The following POU2F3 variants were observed in gnomAD, a reference collection of about 807,000 sequenced individuals.
POU2F3 encodes the protein POU class 2 homeobox 3.
In POU2F3, 23 loss-of-function variants were observed where a neutral mutation model predicts 59.2. That is an observed-to-expected ratio of 0.39 (90% confidence interval 0.28 to 0.55). The LOEUF is 0.55. Ranked by LOEUF, POU2F3 falls within the 20% of genes least tolerant of loss-of-function variation. POU2F3 has a pLI of 0.66. For missense variants in POU2F3, 473 were observed against 544.5 expected, an observed-to-expected ratio of 0.87 and a Z score of 1.31; for synonymous variants, 190 against 214.6, an observed-to-expected ratio of 0.89 and a Z score of 1.00.
At chr11:120,276,103 C>A (rs916910414) in intron 3 of POU2F3, among the ~76,000 whole-genome samples, 1 of 152,254 alleles carries the variant, frequency 6.6e-6, no homozygotes, top group South Asian at 2.1e-4. Context: ...GAGTTGGCAA[C>A]GGAGGGTCCG....
At chr11:120,239,969 AG>A (rs1393881106), upstream of POU2F3, among the ~76,000 whole-genome samples, 1 of 152,314 alleles carries the variant, frequency 6.6e-6, no homozygotes, top group East Asian at 1.9e-4. Flanking sequence ...TGGAGCAGGC[AG>A]GTGTTCCGCG....
intron 3 of POU2F3, among the ~76,000 whole-genome samples, chr11:120,292,094 C>T (rs959956869): frequency 1.3e-5 from 2 of 152,170 alleles, no homozygotes; most frequent in African/African-American, 4.8e-5. Context: ...ATGTGTGAGC[C>T]ACTGTGCCCA....
chr11:120,236,668 G>A (rs770904381), upstream of POU2F3: 398 of 1,501,960 alleles, frequency 2.6e-4, no homozygotes, highest in Non-Finnish European at 3.3e-4. Context: ...TCAAAAAACC[G>A]GTTTCATGGA....
In POU2F3 at chr11:120,286,193, T is replaced by C. The variant is rs74236012; in HGVS notation, c.133-12072T>C. Among the ~76,000 whole-genome samples, 5,096 of 152,248 alleles carry C rather than the reference T, an allele frequency of 0.033. 1,276 individuals carry two copies. The East Asian group carries it at 0.66, about 20-fold the overall frequency. On this transcript the variant is annotated intron_variant, in intron 3 of 12. Coordinates refer to ENST00000543440, the MANE Select transcript of POU2F3 (RefSeq NM_014352.4). ...AGCCACTGCACCTGGCTTGTTCTAT[T>C]GTTTTAACATAATCTTACTTTTCCA...
At chr11:120,270,083 G>A (rs1427234435) in intron 3 of POU2F3, among the ~76,000 whole-genome samples, 1 of 152,156 alleles carries the variant, frequency 6.6e-6, no homozygotes, top group Non-Finnish European at 1.5e-5. Context: ...AACTTAGAAA[G>A]CCTGGGTTTT....
intron 2 of POU2F3, among the ~76,000 whole-genome samples, chr11:120,257,409 G>A (rs1293122556): frequency 1.3e-5 from 2 of 151,858 alleles, no homozygotes; most frequent in East Asian, 3.9e-4. Context: ...GAAGTGGCCC[G>A]GCACCACGTG....
At chr11:120,256,587 A>C (rs941653147) in intron 2 of POU2F3, 4 of 152,230 alleles carry the variant, frequency 2.6e-5, no homozygotes, top group Non-Finnish European at 5.9e-5. Context: ...GTCACCCCAC[A>C]AGAAGCCCAC....
chr11:120,298,218 C>T (rs375428940), intron 3 of POU2F3, 47 bp from the exon 4 acceptor site: 138 of 1,570,068 alleles, frequency 8.8e-5, no homozygotes, highest in Non-Finnish European at 1.1e-4. Flanking sequence ...TCTCTGACTG[C>T]CTGACGGGAT....
intron 2 of POU2F3, among the ~76,000 whole-genome samples, chr11:120,263,523 T>A (rs1939693654): frequency 6.6e-6 from 1 of 152,268 alleles, no homozygotes; most frequent in East Asian, 1.9e-4. Flanking sequence ...TTGATCCGCA[T>A]CTATCTTCTT....
At chr11:120,305,562 G>C in intron 7 of POU2F3, 82 bp from the exon 8 acceptor site, 1 of 1,543,012 alleles carries the variant, frequency 6.5e-7, no homozygotes, top group Non-Finnish European at 8.8e-7. Flanking sequence ...CTGTGTGATC[G>C]ATGCTAGGAC....
intron 9 of POU2F3, 56 bp from the exon 10 acceptor site, chr11:120,309,369 T>C: frequency 1.3e-6 from 2 of 1,515,558 alleles, no homozygotes; most frequent in Non-Finnish European, 1.8e-6. Context: ...GGGACCTCTG[T>C]TCCCTGCCCC....
At chr11:120,237,443 A>G (rs1226005997), upstream of POU2F3, among the ~76,000 whole-genome samples, 2 of 151,876 alleles carry the variant, frequency 1.3e-5, no homozygotes, top group African/African-American at 2.4e-5. Context: ...TTCCACCCCA[A>G]TCCCCACAAG....
intron 3 of POU2F3, among the ~76,000 whole-genome samples, chr11:120,290,820 A>G (rs1374705179): frequency 1.3e-5 from 2 of 152,190 alleles, no homozygotes; most frequent in South Asian, 2.1e-4. Flanking sequence ...GTGTGTGTGT[A>G]TGGGCACGCG....
chr11:120,308,938 CAAAAAAAAAAAAAAAAAAAAAAAA>C (rs386375076), intron 9 of POU2F3, among the ~76,000 whole-genome samples: 15 of 28,774 alleles, frequency 5.2e-4, no homozygotes, highest in South Asian at 2.8e-3. Flanking sequence ...GACTCCGTCT[CAAAAAAAAAAAAAAAAAAAAAAAA>C]AAAAAAAAAA....
intron 1 of POU2F3, among the ~76,000 whole-genome samples, 161 bp from the exon 2 acceptor site, chr11:120,246,288 C>A (rs528819346): frequency 5.4e-4 from 82 of 152,190 alleles, no homozygotes; most frequent in Non-Finnish European, 1.0e-3. Flanking sequence ...TGCCCTCAAG[C>A]TTATGAATAT....
intron 3 of POU2F3, among the ~76,000 whole-genome samples, chr11:120,289,608 C>A (rs1381319056): frequency 6.6e-6 from 1 of 152,178 alleles, no homozygotes; most frequent in Non-Finnish European, 1.5e-5. Context: ...AGATCCTGAA[C>A]AGGAAGAGAA....
At chr11:120,236,673 C>T (rs769160362), upstream of POU2F3, 21 of 1,504,082 alleles carry the variant, frequency 1.4e-5, no homozygotes, top group South Asian at 7.2e-5. Flanking sequence ...AAACCGGTTT[C>T]ATGGAGTCTC....
chr11:120,283,829 C>T (rs1004209438), intron 3 of POU2F3, among the ~76,000 whole-genome samples: 1 of 143,192 alleles, frequency 7.0e-6, no homozygotes, highest in East Asian at 2.1e-4. Flanking sequence ...GTCTGCCCTG[C>T]CCACCAGTCA....
intron 2 of POU2F3, among the ~76,000 whole-genome samples, chr11:120,261,869 C>T (rs1211143924): frequency 2.0e-5 from 3 of 152,242 alleles, no homozygotes; most frequent in African/African-American, 7.2e-5. Context: ...TCAATTCAAA[C>T]ATCAGTTCTG....
Sources: allele counts gnomAD v4.1 joint callset (sites outside exome capture counted in the v4.1 genomes callset), GRCh38; gene constraint gnomAD v4.1.1; transcripts MANE v1.5; gene names NCBI Gene and HGNC (gene_info 2026-07-23, HGNC 2026-07-21).